Variants in APLP2 observed in about 807,000 individuals in gnomAD.
APLP2 encodes CDEI box-binding protein.
APLP2 carries 53 observed loss-of-function variants against 89.9 expected under a neutral mutation model. That is an observed-to-expected ratio of 0.59 (90% CI 0.47 to 0.74). The LOEUF is 0.74. Among genes scored for constraint, APLP2 ranks in the 30% least tolerant of loss-of-function variants. APLP2 has a pLI of 0.00. For missense variants in APLP2, 973 were observed against 975.9 expected, an observed-to-expected ratio of 1.00 and a Z score of 0.04; for synonymous variants, 372 against 348.6, an observed-to-expected ratio of 1.07 and a Z score of -0.75.
chr11:130,119,685 C>A (rs997279531), intron 3 of APLP2, among the ~76,000 whole-genome samples: 2 of 152,210 alleles, frequency 1.3e-5, no homozygotes, highest in African/African-American at 4.8e-5. Flanking sequence ...CCTAGATTCT[C>A]CAGTTTTACC....
chr11:130,143,139 C>T (rs35827581), intron 16 of APLP2, among the ~76,000 whole-genome samples: 5,503 of 152,274 alleles, frequency 0.036, 154 homozygotes, highest in East Asian at 0.14. Flanking sequence ...TTTCAGGGCT[C>T]TCGTTTCGAA....
At chr11:130,115,208 A>AT (rs201891723) in intron 3 of APLP2, among the ~76,000 whole-genome samples, 1 of 151,708 alleles carries the variant, frequency 6.6e-6, no homozygotes, top group Non-Finnish European at 1.5e-5. Context: ...ATTTATTATT[A>AT]TTTTTTTAAT....
rs767962387 is a variant in APLP2, at chr11:130,110,586, G to A, written c.328G>A (p.Val110Ile). 18 of 1,613,714 alleles carry A rather than the reference G, an allele frequency of 1.1e-5. No individual in the cohort carries two copies. Among genetic ancestry groups the A allele is most frequent in the South Asian group, 3.3e-5 (3 of 91,078 alleles). The change falls in exon 3 of 17, where the codon GTT (valine) becomes ATT (isoleucine). Residue 110 changes from valine to isoleucine, a missense_variant. Coordinates refer to ENST00000338167, the MANE Select transcript of APLP2 (RefSeq NM_001142276.2). ...ITNVMEANQR[V>I]SIDNWCRRDK... ...AAATGTGATGGAGGCAAACCAGCGG[G>A]TTAGTATTGACAACTGGTGCCGGAG...
chr11:130,094,355 A>C (rs1448762390), intron 1 of APLP2, among the ~76,000 whole-genome samples: 1 of 151,616 alleles, frequency 6.6e-6, no homozygotes, highest in Non-Finnish European at 1.5e-5. Flanking sequence ...GCCTGGCCTA[A>C]TTTTTGTATT....
At chr11:130,117,839 G>A (rs1241519195) in intron 3 of APLP2, among the ~76,000 whole-genome samples, 6 of 152,108 alleles carry the variant, frequency 3.9e-5, no homozygotes, top group Non-Finnish European at 7.4e-5. Flanking sequence ...TGGGGAGGCC[G>A]AGGCCGGGGT....
chr11:130,076,694 T>A (rs1486849862), intron 1 of APLP2, among the ~76,000 whole-genome samples: 2 of 152,166 alleles, frequency 1.3e-5, no homozygotes, highest in Non-Finnish European at 2.9e-5. Flanking sequence ...TTGGGCACAC[T>A]CCCCAGTGGT....
intron 1 of APLP2, among the ~76,000 whole-genome samples, chr11:130,089,501 G>A (rs552855845): frequency 7.2e-5 from 11 of 152,122 alleles, no homozygotes; most frequent in Non-Finnish European, 1.5e-4. Context: ...CATTCACAGC[G>A]TGCACCTTAC....
At position 130,142,024 on chromosome 11, in the gene APLP2, G is replaced by C. The variant is rs760135215; in HGVS notation, c.2104G>C (p.Val702Leu). The C allele has an allele frequency of 6.2e-7, 1 of 1,613,794 alleles. No homozygotes were observed. The highest frequency in any genetic ancestry group is 2.2e-5 in the East Asian group (1 of 44,892). Reference sequence around the variant, plus strand: ...TGCCACGGTCATCGTCATCAGCCTGGTGATGCTGAGGAAGAGGCAGTATGG... The same window carrying C: ...TGCCACGGTCATCGTCATCAGCCTGCTGATGCTGAGGAAGAGGCAGTATGG... ...AIATVIVISL[V>L]MLRKRQYGTI... The change falls in exon 16 of 17, where the codon GTG (valine) becomes CTG (leucine). Residue 702 changes from valine to leucine, a missense_variant. Physicochemically the swap from Val to Leu is conservative, Grantham distance 32. Transcript: ENST00000338167.
chr11:130,070,722 C>G (rs1591745311), intron 1 of APLP2: 2 of 1,470,170 alleles, frequency 1.4e-6, no homozygotes, highest in African/African-American at 2.9e-5. Flanking sequence ...TTGCCTGCGT[C>G]CGTAGACCGA....
chr11:130,104,694 CAT>C (rs1276959836), intron 1 of APLP2, among the ~76,000 whole-genome samples: 2 of 152,110 alleles, frequency 1.3e-5, no homozygotes, highest in Admixed American at 6.6e-5. Context: ...AGCAGGAACT[CAT>C]ATTAGTCTGT....
intron 10 of APLP2, 34 bp downstream of exon 10, chr11:130,129,240 G>T (rs1442567105): frequency 5.0e-6 from 8 of 1,590,516 alleles, no homozygotes; most frequent in Non-Finnish European, 6.0e-6. Flanking sequence ...CTGCCCTGAG[G>T]TGGTATATGT....
chr11:130,119,170 A>G (rs142121041), intron 3 of APLP2, among the ~76,000 whole-genome samples: 1 of 152,202 alleles, frequency 6.6e-6, no homozygotes, highest in Non-Finnish European at 1.5e-5. Context: ...CTTTCTCATG[A>G]TATTTTCAGG....
At chr11:130,083,061 G>A (rs1396821413) in intron 1 of APLP2, among the ~76,000 whole-genome samples, 36 of 99,868 alleles carry the variant, frequency 3.6e-4, no homozygotes, top group Non-Finnish European at 5.0e-4. Flanking sequence ...TTTGAGACAC[G>A]GTCTCACACT....
At chr11:130,091,585 T>TG (rs1385252877) in intron 1 of APLP2, among the ~76,000 whole-genome samples, 1 of 67,708 alleles carries the variant, frequency 1.5e-5, no homozygotes, top group Non-Finnish European at 2.9e-5. Context: ...GCTGGCCGGG[T>TG]GGGGGGGCTG....
rs888274317 is a variant in APLP2, at chr11:130,117,447, CT to C, written c.404-3248del. ...TCTGTCATGTTTGCTTCATCTCCAT[CT>C]TTTTTTTTTTCTGAGACGGAGTCTC... On this transcript the variant is annotated intron_variant, in intron 3 of 16. Coordinates refer to ENST00000338167, the MANE Select transcript of APLP2 (RefSeq NM_001142276.2). 1.8e-3 allele frequency among the ~76,000 whole-genome samples: 268 copies of C among 145,176 alleles called. 1 individual carries two copies. The highest frequency in any genetic ancestry group is 5.9e-3 in the African/African-American group (239 of 40,396).
At chr11:130,117,176 G>T (rs549234113) in intron 3 of APLP2, among the ~76,000 whole-genome samples, 5 of 152,138 alleles carry the variant, frequency 3.3e-5, no homozygotes, top group Non-Finnish European at 7.3e-5. Flanking sequence ...TTCAAATTCA[G>T]TGGTGTTCTT....
intron 7 of APLP2, among the ~76,000 whole-genome samples, chr11:130,126,039 G>C (rs1311225624): frequency 6.6e-6 from 1 of 152,192 alleles, no homozygotes; most frequent in Non-Finnish European, 1.5e-5. Flanking sequence ...TCATATCGGT[G>C]AAAGGTGTCC....
chr11:130,130,374 A>C (rs1201303016), intron 11 of APLP2, among the ~76,000 whole-genome samples: 1 of 152,214 alleles, frequency 6.6e-6, no homozygotes, highest in East Asian at 1.9e-4. Flanking sequence ...TTTTTATATT[A>C]ACTGCTTTAT....
chr11:130,070,780 A>G, intron 1 of APLP2: 1 of 1,372,860 alleles, frequency 7.3e-7, no homozygotes. Context: ...GGTTTCAGTG[A>G]GTAGGGAAGG....
Sources: allele counts gnomAD v4.1 joint callset (sites outside exome capture counted in the v4.1 genomes callset), GRCh38; gene constraint gnomAD v4.1.1; transcripts MANE v1.5; gene names NCBI Gene and HGNC (gene_info 2026-07-23, HGNC 2026-07-21).